PANX1: variants seen among roughly 807,000 people sequenced by gnomAD.
The protein encoded by PANX1 is pannexin 1.
A neutral mutation model predicts 38.7 loss-of-function variants in PANX1; 30 were observed. The ratio of observed to expected loss-of-function variants is 0.78; its 90% CI spans 0.58 to 1.05. The LOEUF (loss-of-function observed/expected upper bound fraction) is 1.05, where lower values mean the gene tolerates loss of function less well. Ranked by LOEUF, PANX1 falls within the 50% of genes least tolerant of loss-of-function variation. PANX1 has a pLI of 0.00. For synonymous variants in PANX1, 230 were observed against 212.2 expected (o/e 1.08, Z -0.73); for missense variants, 551 against 517.2 (o/e 1.07, Z -0.63).
chr11:94,175,737 C>T (rs1739237881), intron 2 of PANX1: 1 of 984,414 alleles, frequency 1.0e-6, no homozygotes, highest in Non-Finnish European at 1.2e-6. Context: ...AACATTCCTT[C>T]TCCCCACAGC....
At position 94,153,500 on chromosome 11, in the gene PANX1, T is replaced by C. The variant is rs369757341; in HGVS notation, c.191T>C (p.Ile64Thr). ...CTGTTTTGCTTCTTAGGTACACAGA[T>C]AAGCTGTTTCTCTCCAAGTTCTTTC... is the stretch of plus-strand genomic sequence containing the variant. ...FAQEISIGTQ[I>T]SCFSPSSFSW... Residue 64 changes from isoleucine to threonine, a missense_variant, in exon 2 of 5, where the codon ATA becomes ACA. Transcript: ENST00000227638. The C allele has an allele frequency of 6.6e-5, 106 of 1,614,108 alleles. No homozygotes were observed. Among genetic ancestry groups the C allele is most frequent in the Admixed American group, 8.3e-5 (5 of 60,012 alleles).
At chr11:94,175,243 G>T (rs1422529476) in intron 2 of PANX1, among the ~76,000 whole-genome samples, 1 of 151,682 alleles carries the variant, frequency 6.6e-6, no homozygotes, top group Non-Finnish European at 1.5e-5. Context: ...ATCACTGAAA[G>T]TTGCCTTTTT....
rs140681094 is a variant in PANX1 at position 94,129,459 on chromosome 11, C to T, written c.147C>T (p.Leu49=). 6.8e-5 allele frequency: 109 copies of T among 1,613,228 alleles called. No individual in the cohort carries two copies. The African/African-American group carries it at 9.9e-4, about 15-fold the overall frequency. Residue 49 remains leucine (L), a synonymous_variant, in exon 1 of 5, where the codon CTC becomes CTT. Transcript: ENST00000227638. ...TTGCGGTGGGGCTGCCCCTGCTGCT[C>T]ATCTCGCTGGCCTTCGCGCAGGAGA... ...TCIAVGLPLL[L]ISLAFAQEIS...
At chr11:94,160,395 G>T (rs570267663) in intron 2 of PANX1, among the ~76,000 whole-genome samples, 1 of 152,282 alleles carries the variant, frequency 6.6e-6, no homozygotes, top group East Asian at 1.9e-4. Flanking sequence ...CTGGCTTTAT[G>T]AATCTGGGGG....
Position 94,129,408 on chromosome 11 carries a change from G to A in PANX1, c.96G>A (p.Leu32=). Residue 32 remains leucine (L), a synonymous_variant, in exon 1 of 5, where the codon CTG becomes CTA. Coordinates refer to ENST00000227638, the MANE Select transcript of PANX1 (RefSeq NM_015368.4). ...EPKFKGLRLE[L]AVDKMVTCIA... is the part of the protein sequence containing the mutation. ...AGTTCAAGGGGCTGCGACTGGAGCT[G>A]GCTGTGGACAAGATGGTCACGTGCA... 1 of 1,614,112 alleles carries A rather than the reference G, an allele frequency of 6.2e-7. No individual in the cohort carries two copies. Among genetic ancestry groups the A allele is most frequent in the Non-Finnish European group, 8.5e-7 (1 of 1,180,002 alleles).
At chr11:94,162,523 C>G (rs951080015) in intron 2 of PANX1, among the ~76,000 whole-genome samples, 4 of 152,228 alleles carry the variant, frequency 2.6e-5, no homozygotes, top group Admixed American at 6.5e-5. Context: ...GAGCCAGGCG[C>G]TGGATATAAT....
At chr11:94,134,143 G>C (rs751420486) in intron 1 of PANX1, among the ~76,000 whole-genome samples, 1 of 152,278 alleles carries the variant, frequency 6.6e-6, no homozygotes, top group African/African-American at 2.4e-5. Flanking sequence ...TTTGTGATGA[G>C]GAAGAATCTG....
chr11:94,179,765 C>T lies in PANX1; in HGVS notation c.709C>T (p.Leu237Phe), dbSNP rs551906394. Reference protein sequence around the residue: ...ACIYLGYYFSLSSLSDEFVCS... With the variant: ...ACIYLGYYFSFSSLSDEFVCS... ...TATCTACCTGGGCTATTACTTCAGC[C>T]TCTCCTCACTCTCAGACGAGTTTGT... Residue 237 changes from leucine to phenylalanine, a missense_variant, in exon 4 of 5, where the codon CTC (leucine) becomes TTC (phenylalanine). Transcript: ENST00000227638. 1.2e-6 allele frequency: 2 copies of T among 1,614,126 alleles called. No homozygotes were observed. Among genetic ancestry groups the T allele is most frequent in the South Asian group, 2.2e-5 (2 of 91,076 alleles).
Position 94,180,171 on chromosome 11 carries a change from T to C in PANX1, c.1115T>C (p.Met372Thr). The C allele has an allele frequency of 1.9e-6, 3 of 1,613,904 alleles. No individual in the cohort carries two copies. Among genetic ancestry groups the C allele is most frequent in the East Asian group, 2.2e-5 (1 of 44,852 alleles). ...ATGCTACTCCTGACAAACCTTGGCA[T>C]GATCAAGATGGATGTTGTTGATGGC... ...DPMLLLTNLG[M>T]IKMDVVDGKT... Residue 372 changes from methionine (M) to threonine (T), a missense_variant, in exon 4 of 5, where the codon ATG becomes ACG. Transcript: ENST00000227638.
At chr11:94,136,472 A>G (rs1396018215) in intron 1 of PANX1, among the ~76,000 whole-genome samples, 2 of 152,190 alleles carry the variant, frequency 1.3e-5, no homozygotes, top group African/African-American at 4.8e-5. Flanking sequence ...GGCAGGGACC[A>G]TGTGTCCTTA....
intron 2 of PANX1, among the ~76,000 whole-genome samples, chr11:94,168,868 G>C (rs1947132366): frequency 5.3e-5 from 8 of 151,604 alleles, no homozygotes; most frequent in Admixed American, 4.6e-4. Flanking sequence ...AGATACGGAA[G>C]TAACAAGATG....
chr11:94,146,020 T>C (rs1946825423), intron 1 of PANX1, among the ~76,000 whole-genome samples: 1 of 152,230 alleles, frequency 6.6e-6, no homozygotes, highest in African/African-American at 2.4e-5. Context: ...ATAATGGTTT[T>C]AAAATTTCTT....
intron 2 of PANX1, among the ~76,000 whole-genome samples, chr11:94,155,608 T>G (rs1219379461): frequency 1.3e-5 from 2 of 152,120 alleles, no homozygotes; most frequent in Non-Finnish European, 2.9e-5. Context: ...TGGAACATCA[T>G]AAAGGTCTTC....
chr11:94,130,157 G>A (rs1946611075), intron 1 of PANX1, among the ~76,000 whole-genome samples: 1 of 152,210 alleles, frequency 6.6e-6, no homozygotes, highest in African/African-American at 2.4e-5. Context: ...GTGGCTACGT[G>A]CCTTACCTTC....
intron 2 of PANX1, among the ~76,000 whole-genome samples, chr11:94,156,727 T>C (rs201765419): frequency 2.0e-5 from 3 of 151,154 alleles, no homozygotes; most frequent in African/African-American, 7.4e-5. Context: ...TTTTTTTTTT[T>C]CCTTTTTTTT....
intron 2 of PANX1, among the ~76,000 whole-genome samples, chr11:94,157,856 A>G (rs1250294666): frequency 6.6e-6 from 1 of 152,102 alleles, no homozygotes; most frequent in Admixed American, 6.5e-5. Context: ...GTTTTCTTCT[A>G]GGGTTTTTAT....
In PANX1 at chr11:94,175,486, G is replaced by A. The variant is rs184198214; in HGVS notation, c.322-2883G>A. Among the ~76,000 whole-genome samples the A allele has an allele frequency of 3.9e-3, 590 of 151,834 alleles. 13 individuals are homozygous for A. The highest frequency in any genetic ancestry group is 3.7e-4 in the Non-Finnish European group (25 of 68,016). ...GGCATGTTTAAAAATACCACAGACT[G>A]TAAATAGTCACTTTTTAATTCAAGG... is the stretch of plus-strand genomic sequence containing the variant. On this transcript the variant is annotated intron_variant, in intron 2 of 4. Coordinates refer to ENST00000227638, the MANE Select transcript of PANX1 (RefSeq NM_015368.4).
intron 1 of PANX1, among the ~76,000 whole-genome samples, chr11:94,148,071 G>A (rs898492024): frequency 2.0e-5 from 3 of 152,070 alleles, no homozygotes; most frequent in East Asian, 1.9e-4. Context: ...AAAAAAAAAA[G>A]AAGTATTTCA....
chr11:94,131,455 C>T (rs961816199), intron 1 of PANX1, among the ~76,000 whole-genome samples: 3 of 152,224 alleles, frequency 2.0e-5, no homozygotes, highest in African/African-American at 7.2e-5. Context: ...CCTGCCCTCT[C>T]CCTGCCCTGT....
Sources: gnomAD v4.1 joint callset for allele counts (sites outside exome capture counted in the v4.1 genomes callset) on GRCh38, gnomAD v4.1.1 for gene constraint, MANE v1.5 for transcripts, NCBI Gene and HGNC (gene_info 2026-07-23, HGNC 2026-07-21) for gene names.